Variants in QTMAN observed in about 807,000 individuals in gnomAD.
QTMAN encodes the protein tRNA-queuosine alpha-mannosyltransferase.
At chr2:143,973,552 A>G in the QTMAN span, among the ~76,000 whole-genome samples, 3 of 152,106 alleles carry the variant, frequency 2.0e-5, no homozygotes, top group Non-Finnish European at 4.4e-5. Flanking sequence ...GCACTTTGGG[A>G]GGCCGAGACG....
At chr2:144,208,816 C>T in the QTMAN span, 1 of 1,461,820 alleles carries the variant, frequency 6.8e-7, no homozygotes, top group East Asian at 2.4e-5. Context: ...TAAATAACAA[C>T]CAAAAAATGT....
chr2:144,083,368 G>A, the QTMAN span, among the ~76,000 whole-genome samples: 6 of 152,254 alleles, frequency 3.9e-5, no homozygotes, highest in African/African-American at 1.2e-4. Context: ...AAGAGCCTCT[G>A]GGACTCTCCA....
At chr2:144,208,817 C>G in the QTMAN span, 3 of 1,458,910 alleles carry the variant, frequency 2.1e-6, no homozygotes, top group South Asian at 1.4e-5. Flanking sequence ...AAATAACAAC[C>G]AAAAAATGTA....
At chr2:143,966,065 A>G in the QTMAN span, among the ~76,000 whole-genome samples, 1 of 151,994 alleles carries the variant, frequency 6.6e-6, no homozygotes, top group Non-Finnish European at 1.5e-5. Flanking sequence ...TTCATTTCAC[A>G]TGAGTGGCCA....
the QTMAN span, among the ~76,000 whole-genome samples, chr2:144,083,294 C>T: frequency 8.5e-5 from 13 of 152,174 alleles, no homozygotes; most frequent in African/African-American, 3.1e-4. Flanking sequence ...AAAAAGTATT[C>T]TGGCTAACAG....
chr2:144,331,027 G>C, the QTMAN span, among the ~76,000 whole-genome samples: 1 of 152,272 alleles, frequency 6.6e-6, no homozygotes, highest in African/African-American at 2.4e-5. Context: ...CTACCTTATT[G>C]CAAGTATCAT....
the QTMAN span, among the ~76,000 whole-genome samples, chr2:144,172,348 C>T: frequency 3.3e-5 from 5 of 151,974 alleles, no homozygotes; most frequent in African/African-American, 1.2e-4. Flanking sequence ...GGGCCAGGCA[C>T]GGAAGTTCAC....
At chr2:143,943,372 T>C in the QTMAN span, 2 of 152,164 alleles carry the variant, frequency 1.3e-5, no homozygotes, top group Admixed American at 1.3e-4. Flanking sequence ...TATTAAATAG[T>C]CCCAAATTTT....
chr2:144,308,478 T>C, the QTMAN span, among the ~76,000 whole-genome samples: 1 of 152,066 alleles, frequency 6.6e-6, no homozygotes, highest in African/African-American at 2.4e-5. Context: ...ATTAGTTGAT[T>C]TTTAACAAAA....
chr2:144,282,794 G>A, the QTMAN span, among the ~76,000 whole-genome samples: 4 of 152,186 alleles, frequency 2.6e-5, no homozygotes, highest in East Asian at 1.9e-4. Flanking sequence ...AGACCAAGCC[G>A]TGATTAGAAG....
At chr2:144,239,993 C>A in the QTMAN span, among the ~76,000 whole-genome samples, 1 of 152,182 alleles carries the variant, frequency 6.6e-6, no homozygotes, top group Non-Finnish European at 1.5e-5. Context: ...AGCAGTTGCT[C>A]ACCGCTAAGC....
the QTMAN span, among the ~76,000 whole-genome samples, chr2:144,199,612 T>C: frequency 6.6e-6 from 1 of 152,178 alleles, no homozygotes; most frequent in South Asian, 2.1e-4. Context: ...TTAACACTTA[T>C]TCCCCAAAAA....
At chr2:144,279,071 C>T in the QTMAN span, among the ~76,000 whole-genome samples, 6 of 152,166 alleles carry the variant, frequency 3.9e-5, no homozygotes, top group Non-Finnish European at 8.8e-5. Context: ...CAATTTGAAC[C>T]CAAGTCTCTA....
At chr2:144,026,199 C>T in the QTMAN span, among the ~76,000 whole-genome samples, 2 of 152,066 alleles carry the variant, frequency 1.3e-5, no homozygotes, top group Non-Finnish European at 2.9e-5. Flanking sequence ...TTTGGGAGGC[C>T]GAGGCAGGTG....
At chr2:143,984,156 A>G in the QTMAN span, among the ~76,000 whole-genome samples, 1 of 152,220 alleles carries the variant, frequency 6.6e-6, no homozygotes, top group African/African-American at 2.4e-5. Flanking sequence ...AGTCACCTTC[A>G]TAGAAAAGTG....
At chr2:144,116,336 GTGTGTGTGTGCA>G in the QTMAN span, among the ~76,000 whole-genome samples, 13 of 151,236 alleles carry the variant, frequency 8.6e-5, 1 homozygote, top group Admixed American at 8.6e-4. Context: ...TGTGAGGGGT[GTGTGTGTGTGCA>G]TGTGTGTGTG....
At chr2:144,285,857 A>G in the QTMAN span, among the ~76,000 whole-genome samples, 2 of 152,158 alleles carry the variant, frequency 1.3e-5, no homozygotes, top group Non-Finnish European at 2.9e-5. Context: ...TCCAAAAACA[A>G]CCACAGCAAT....
the QTMAN span, chr2:144,211,311 G>C: frequency 2.6e-5 from 4 of 152,766 alleles, no homozygotes; most frequent in East Asian, 7.7e-4. Context: ...TCAGTAAGAA[G>C]AGTGAAATGT....
At chr2:144,001,627 T>G in the QTMAN span, among the ~76,000 whole-genome samples, 2 of 151,934 alleles carry the variant, frequency 1.3e-5, no homozygotes, top group Admixed American at 1.3e-4. Context: ...GCCCACTCCT[T>G]ATTCTTCTTA....
Sources: gnomAD v4.1 joint callset for allele counts (sites outside exome capture counted in the v4.1 genomes callset) on GRCh38, gnomAD v4.1.1 for gene constraint, MANE v1.5 for transcripts, NCBI Gene and HGNC (gene_info 2026-07-23, HGNC 2026-07-21) for gene names.